The following MDGA2 variants were observed in gnomAD, a reference collection of about 807,000 sequenced individuals.
The protein encoded by MDGA2 is MAM domain containing glycosylphosphatidylinositol anchor 2, also known as MAM domain-containing glycosylphosphatidylinositol anchor protein 2.
A neutral mutation model predicts 117.8 loss-of-function variants in MDGA2; 40 were observed. The observed-to-expected ratio is 0.34, with a 90% CI of 0.26 to 0.44. The LOEUF is 0.44. MDGA2 is among the 20% of genes least tolerant of loss of function. The pLI is 1.00. For missense variants in MDGA2, 1,123 were observed against 1,250.6 expected (o/e 0.90, Z 1.54); for synonymous variants, 452 against 439.0 (o/e 1.03, Z -0.37).
intron 1 of MDGA2, among the ~76,000 whole-genome samples, chr14:47,471,106 T>C (rs987843640): frequency 2.6e-5 from 4 of 152,136 alleles, no homozygotes; most frequent in African/African-American, 9.7e-5. Flanking sequence ...TATTGTGAGT[T>C]GATAGTGCAA....
At chr14:47,096,173 C>T (rs1479707788) in intron 6 of MDGA2, among the ~76,000 whole-genome samples, 1 of 151,974 alleles carries the variant, frequency 6.6e-6, no homozygotes, top group Admixed American at 6.6e-5. Flanking sequence ...ATAAGCATTG[C>T]GTCTTCTATC....
At chr14:46,900,693 A>G (rs1883250730) in intron 10 of MDGA2, among the ~76,000 whole-genome samples, 2 of 152,188 alleles carry the variant, frequency 1.3e-5, no homozygotes, top group Non-Finnish European at 1.5e-5. Context: ...AGTGGTTTCC[A>G]GGGATAAGGG....
At chr14:47,349,484 T>TG (rs1890831902) in intron 1 of MDGA2, among the ~76,000 whole-genome samples, 1 of 152,214 alleles carries the variant, frequency 6.6e-6, no homozygotes, top group Non-Finnish European at 1.5e-5. Flanking sequence ...GCAAATTAGT[T>TG]AGGTTGAAAT....
intron 5 of MDGA2, among the ~76,000 whole-genome samples, chr14:47,099,600 G>C (rs1880181624): frequency 6.6e-6 from 1 of 151,878 alleles, no homozygotes; most frequent in African/African-American, 2.4e-5. Context: ...TCTTCAGCCA[G>C]ATGAAAAGTG....
At chr14:46,940,840 C>A (rs1884971382) in intron 9 of MDGA2, among the ~76,000 whole-genome samples, 1 of 152,032 alleles carries the variant, frequency 6.6e-6, no homozygotes, top group Non-Finnish European at 1.5e-5. Context: ...GGTGGTCCAT[C>A]GCTGAATATG....
intron 1 of MDGA2, among the ~76,000 whole-genome samples, chr14:47,613,479 T>TCTCTCACACACACACACACA (rs1023859588): frequency 7.1e-6 from 1 of 141,088 alleles, no homozygotes; most frequent in African/African-American, 2.7e-5. Context: ...TCTCTCTCTC[T>TCTCTCACACACACACACACA]CACACACACA....
At chr14:47,091,929 A>C (rs1879681322) in intron 6 of MDGA2, among the ~76,000 whole-genome samples, 1 of 152,006 alleles carries the variant, frequency 6.6e-6, no homozygotes, top group East Asian at 1.9e-4. Context: ...CCTCCCCACC[A>C]CACACACACA....
intron 5 of MDGA2, among the ~76,000 whole-genome samples, chr14:47,127,453 A>G (rs1264575732): frequency 6.6e-6 from 1 of 152,178 alleles, no homozygotes; most frequent in Non-Finnish European, 1.5e-5. Flanking sequence ...GAGCACCACC[A>G]GATGGAAAAA....
chr14:47,529,464 G>A (rs146062612), intron 1 of MDGA2, among the ~76,000 whole-genome samples: 73 of 151,832 alleles, frequency 4.8e-4, no homozygotes, highest in Non-Finnish European at 8.5e-4. Context: ...CCCCCCTCAG[G>A]TATTTATCTT....
At chr14:47,207,424 T>C (rs976280484) in intron 3 of MDGA2, among the ~76,000 whole-genome samples, 1 of 151,866 alleles carries the variant, frequency 6.6e-6, no homozygotes, top group Non-Finnish European at 1.5e-5. Context: ...CTGCAGAATA[T>C]ATTTAAGGAG....
chr14:46,874,782 TGAA>T (rs1305345819), intron 12 of MDGA2, among the ~76,000 whole-genome samples: 3 of 151,782 alleles, frequency 2.0e-5, no homozygotes, highest in African/African-American at 7.2e-5. Flanking sequence ...AGTATGGAAA[TGAA>T]GTAATTAAAA....
intron 1 of MDGA2, among the ~76,000 whole-genome samples, chr14:47,493,523 T>C (rs1366779244): frequency 6.6e-6 from 1 of 151,774 alleles, no homozygotes; most frequent in Admixed American, 6.6e-5. Context: ...CACCGTGTTG[T>C]CCATGGCTGG....
At position 47,200,678 on chromosome 14, in the gene MDGA2, T is replaced by C. The variant is rs556531565; in HGVS notation, c.595+17343A>G. 1.8e-4 allele frequency: 192 copies of C among 1,058,550 alleles called. No homozygotes were observed. In the African/African-American group the frequency reaches 2.8e-3, roughly 15 times the overall value. 65.6% of individuals were successfully genotyped at this position (1,058,550 alleles called of 1,614,324 possible). A position where few individuals can be genotyped will look rare whatever the true frequency, so the allele number is the denominator to read the frequency against. The stretch of plus-strand genomic sequence containing the variant: ...CCGTAGCCTCAAGAGCTGTTTCTTC[T>C]TCCAGTACTGGATCTTGGCCTTCTC... On this transcript the variant is annotated intron_variant, in intron 3 of 16. Coordinates refer to ENST00000399232, the MANE Select transcript of MDGA2 (RefSeq NM_001113498.3).
intron 8 of MDGA2, among the ~76,000 whole-genome samples, chr14:46,993,096 G>C (rs982640728): frequency 6.6e-6 from 1 of 151,894 alleles, no homozygotes; most frequent in Middle Eastern, 3.4e-3. Context: ...CATACACTAG[G>C]AAAGTAACCT....
intron 1 of MDGA2, among the ~76,000 whole-genome samples, chr14:47,540,544 A>ATGTG (rs1895329830): frequency 1.3e-4 from 5 of 38,946 alleles, no homozygotes; most frequent in African/African-American, 3.6e-4. Context: ...GTGTGTGTAT[A>ATGTG]TATATATATG....
chr14:47,395,113 C>T (rs1891979783), intron 1 of MDGA2, among the ~76,000 whole-genome samples: 1 of 152,084 alleles, frequency 6.6e-6, no homozygotes, highest in African/African-American at 2.4e-5. Flanking sequence ...TATAATTGTG[C>T]CACTTCATTC....
chr14:47,630,701 A>G (rs1283787602), intron 1 of MDGA2, among the ~76,000 whole-genome samples: 1 of 152,228 alleles, frequency 6.6e-6, no homozygotes, highest in Non-Finnish European at 1.5e-5. Flanking sequence ...AAGTAAGGAC[A>G]TCTAGAGTAT....
At chr14:47,125,841 G>A (rs955957562) in intron 5 of MDGA2, among the ~76,000 whole-genome samples, 6 of 151,534 alleles carry the variant, frequency 4.0e-5, no homozygotes, top group Non-Finnish European at 7.4e-5. Context: ...AACCTCTCAA[G>A]CAGGTAAAAA....
rs1003557381 is a variant in MDGA2, at chr14:47,343,169, T to C, written c.281-41619A>G. On this transcript the variant is annotated intron_variant, in intron 1 of 16. Coordinates refer to ENST00000399232, the MANE Select transcript of MDGA2 (RefSeq NM_001113498.3). ...GTTACTTTGAGGACTAATTTCCACT[T>C]ATCATTCTGGTACAGGCTCAAGCTA... The C allele has an allele frequency of 7.8e-6, 9 of 1,156,576 alleles. No individual in the cohort carries two copies. The African/African-American group carries it at 1.5e-4, about 19-fold the overall frequency. The allele number at this position is 1,156,576 out of a possible 1,614,324, so 71.6% of individuals were successfully genotyped here.
Sources: allele counts gnomAD v4.1 joint callset (sites outside exome capture counted in the v4.1 genomes callset), GRCh38; gene constraint gnomAD v4.1.1; transcripts MANE v1.5; gene names NCBI Gene and HGNC (gene_info 2026-07-23, HGNC 2026-07-21).